SLC8A3: variants seen among roughly 807,000 people sequenced by gnomAD.
SLC8A3 encodes sodium/calcium exchanger 3.
Under a neutral mutation model 65.4 loss-of-function variants are expected in SLC8A3, and 37 were observed. The observed-to-expected ratio is 0.57, with a 90% CI of 0.44 to 0.74. The LOEUF (loss-of-function observed/expected upper bound fraction) is 0.74. Ranked by LOEUF, SLC8A3 falls within the 30% of genes least tolerant of loss-of-function variation. The probability of loss-of-function intolerance (pLI) is 0.00; values close to 1 mark genes in which losing one functional copy is unlikely to be tolerated. For synonymous variants in SLC8A3, 461 were observed against 444.5 expected, an observed-to-expected ratio of 1.04 and a Z score of -0.47; for missense variants, 1,112 against 1,172.1, an observed-to-expected ratio of 0.95 and a Z score of 0.75.
At position 70,128,996 on chromosome 14, in the gene SLC8A3, G is replaced by A. The variant is rs75019301; in HGVS notation, c.1784+37643C>T. On this transcript the variant is annotated intron_variant, in intron 2 of 6. Transcript: ENST00000356921. The stretch of plus-strand genomic sequence containing the variant: ...GCAGCAGGTAGCCACGTGTGAGAAG[G>A]GGGTCCCATTATTGGCTTGGGCTCT... Among the ~76,000 whole-genome samples, 106 of 152,312 alleles carry A rather than the reference G, an allele frequency of 7.0e-4. No individual in the cohort carries two copies. The East Asian group carries it at 0.013, about 19-fold the overall frequency.
chr14:70,067,376 T>C (rs556873357), intron 2 of SLC8A3, among the ~76,000 whole-genome samples: 13 of 152,282 alleles, frequency 8.5e-5, no homozygotes, highest in Middle Eastern at 3.4e-3. Context: ...AGAACTTGTC[T>C]TTTTTCAAAA....
intron 1 of SLC8A3, among the ~76,000 whole-genome samples, chr14:70,173,130 C>T (rs915637041): frequency 2.6e-5 from 4 of 152,118 alleles, no homozygotes; most frequent in African/African-American, 9.7e-5. Flanking sequence ...AATGAAAAGC[C>T]AGTGATAGGG....
intron 1 of SLC8A3, among the ~76,000 whole-genome samples, chr14:70,187,407 T>C (rs1225415487): frequency 6.6e-6 from 1 of 151,888 alleles, no homozygotes; most frequent in African/African-American, 2.4e-5. Flanking sequence ...GCATTTCTTC[T>C]ATTTAACCCC....
intron 3 of SLC8A3, among the ~76,000 whole-genome samples, 174 bp from the exon 4 acceptor site, chr14:70,052,288 C>T (rs1797664148): frequency 6.6e-6 from 1 of 152,158 alleles, no homozygotes; most frequent in Admixed American, 6.5e-5. Context: ...TATAACCAGA[C>T]CATGAGAATG....
intron 2 of SLC8A3, among the ~76,000 whole-genome samples, chr14:70,077,821 T>C (rs1890676525): frequency 6.6e-6 from 1 of 152,256 alleles, no homozygotes; most frequent in African/African-American, 2.4e-5. Flanking sequence ...CTCTTTTGCC[T>C]GGGCAGAGTG....
intron 2 of SLC8A3, among the ~76,000 whole-genome samples, chr14:70,064,648 G>C (rs1889211546): frequency 6.6e-6 from 1 of 152,064 alleles, no homozygotes; most frequent in African/African-American, 2.4e-5. Context: ...CTCCAAACAG[G>C]CTTCTGCAGT....
intron 2 of SLC8A3, among the ~76,000 whole-genome samples, chr14:70,152,534 T>C (rs1896334614): frequency 6.6e-6 from 1 of 152,074 alleles, no homozygotes; most frequent in Non-Finnish European, 1.5e-5. Context: ...CAGTCTTTTT[T>C]TTTTTCCCTC....
chr14:70,150,589 G>A (rs886240875), intron 2 of SLC8A3, among the ~76,000 whole-genome samples: 3 of 152,106 alleles, frequency 2.0e-5, no homozygotes, highest in Admixed American at 1.3e-4. Flanking sequence ...TCCCATCACC[G>A]CTGCTCTCCT....
At chr14:70,123,072 C>CAA (rs1258241299) in intron 2 of SLC8A3, among the ~76,000 whole-genome samples, 16 of 100,776 alleles carry the variant, frequency 1.6e-4, no homozygotes, top group Non-Finnish European at 3.1e-4. Context: ...GACTCCATCT[C>CAA]CAAAAAAAAA....
chr14:70,143,936 C>T (rs1895734860), intron 2 of SLC8A3, among the ~76,000 whole-genome samples: 1 of 152,192 alleles, frequency 6.6e-6, no homozygotes, highest in South Asian at 2.1e-4. Context: ...GGTCCTCTCC[C>T]TCTTCTTCCC....
chr14:70,140,746 A>T (rs1374184614), intron 2 of SLC8A3, among the ~76,000 whole-genome samples: 1 of 152,198 alleles, frequency 6.6e-6, no homozygotes, highest in East Asian at 1.9e-4. Context: ...ACTTAGCTCA[A>T]GCTGCACGCT....
intron 1 of SLC8A3, among the ~76,000 whole-genome samples, chr14:70,169,422 C>T (rs1270341586): frequency 6.6e-6 from 1 of 152,092 alleles, no homozygotes; most frequent in Non-Finnish European, 1.5e-5. Flanking sequence ...AAATTTCAAA[C>T]CCAAACATGG....
chr14:70,128,963 T>G (rs188112271), intron 2 of SLC8A3, among the ~76,000 whole-genome samples: 5 of 152,336 alleles, frequency 3.3e-5, no homozygotes, highest in Admixed American at 6.5e-5. Flanking sequence ...ATAGCTGTTG[T>G]GGTGATAGCA....
intron 5 of SLC8A3, among the ~76,000 whole-genome samples, chr14:70,049,820 G>C (rs1227825016): frequency 6.6e-6 from 1 of 152,162 alleles, no homozygotes; most frequent in African/African-American, 2.4e-5. Context: ...TGTCATTCCA[G>C]ATCACGAGAA....
rs1347304492 is a variant in SLC8A3 at position 70,085,532 on chromosome 14, A to G, written c.1785-24593T>C. On this transcript the variant is annotated intron_variant, in intron 2 of 6. Coordinates refer to ENST00000356921, the MANE Select transcript of SLC8A3 (RefSeq NM_182932.3). The stretch of plus-strand genomic sequence containing the variant: ...CACCTCCCCGCCTGCAATGACCCAC[A>G]TTGACTGAATCCCTACAACATGCCC... Among the ~76,000 whole-genome samples, 3 of 152,128 alleles carry G rather than the reference A, an allele frequency of 2.0e-5. No individual in the cohort carries two copies. In the East Asian group the frequency reaches 5.8e-4, roughly 29 times the overall value.
chr14:70,064,046 C>T, intron 2 of SLC8A3: 3 of 630,776 alleles, frequency 4.8e-6, no homozygotes, highest in Non-Finnish European at 8.5e-6. Context: ...TCCAAGTTTG[C>T]CCCAACACCA....
chr14:70,181,948 C>G (rs1402851191), intron 1 of SLC8A3, among the ~76,000 whole-genome samples: 1 of 152,146 alleles, frequency 6.6e-6, no homozygotes, highest in East Asian at 1.9e-4. Flanking sequence ...ATGGGAAAAT[C>G]AACGTAAAGC....
At chr14:70,179,899 A>G (rs916306787) in intron 1 of SLC8A3, among the ~76,000 whole-genome samples, 2 of 152,242 alleles carry the variant, frequency 1.3e-5, no homozygotes, top group East Asian at 1.9e-4. Flanking sequence ...ATGCCAATAA[A>G]TAATGGAGCC....
intron 2 of SLC8A3, among the ~76,000 whole-genome samples, chr14:70,087,623 A>T (rs1040279741): frequency 2.6e-5 from 4 of 152,214 alleles, no homozygotes; most frequent in Non-Finnish European, 5.9e-5. Context: ...TGTACAGAAA[A>T]ATCATTTGAG....
Sources: allele counts gnomAD v4.1 joint callset (sites outside exome capture counted in the v4.1 genomes callset), GRCh38; gene constraint gnomAD v4.1.1; transcripts MANE v1.5; gene names NCBI Gene and HGNC (gene_info 2026-07-23, HGNC 2026-07-21).